CMSS1: variants seen among roughly 807,000 people sequenced by gnomAD.
The protein encoded by CMSS1 is cms1 ribosomal small subunit homolog, also known as protein CMSS1.
In CMSS1, 33 loss-of-function variants were observed where a neutral mutation model predicts 43.5. The observed-to-expected ratio is 0.76, with a 90% CI of 0.57 to 1.01. The LOEUF is 1.01. CMSS1 is among the 50% of genes least tolerant of loss of function. The probability of loss-of-function intolerance (pLI) is 0.00; values close to 1 mark genes in which losing one functional copy is unlikely to be tolerated. For synonymous variants in CMSS1, 115 were observed against 117.2 expected, an observed-to-expected ratio of 0.98 and a Z score of 0.12; for missense variants, 313 against 326.4, an observed-to-expected ratio of 0.96 and a Z score of 0.32.
At chr3:99,991,958 G>A (rs1299518917) in intron 1 of CMSS1, among the ~76,000 whole-genome samples, 1 of 147,100 alleles carries the variant, frequency 6.8e-6, no homozygotes, top group Non-Finnish European at 1.5e-5. Flanking sequence ...GTGTATATAT[G>A]TGTGTATATA....
At chr3:99,952,970 T>C (rs989379862) in intron 1 of CMSS1, among the ~76,000 whole-genome samples, 1 of 152,164 alleles carries the variant, frequency 6.6e-6, no homozygotes, top group Non-Finnish European at 1.5e-5. Flanking sequence ...TCTCATTGAT[T>C]TGGTTTTTGT....
At chr3:100,118,903 A>C (rs1337475767) in intron 1 of CMSS1, among the ~76,000 whole-genome samples, 2 of 152,232 alleles carry the variant, frequency 1.3e-5, no homozygotes, top group Non-Finnish European at 2.9e-5. Flanking sequence ...CCACCCACTG[A>C]CAGGTGACCA....
At chr3:99,907,340 C>T (rs929271773) in intron 1 of CMSS1, among the ~76,000 whole-genome samples, 4 of 152,060 alleles carry the variant, frequency 2.6e-5, no homozygotes, top group South Asian at 4.2e-4. Flanking sequence ...CTCCACCTCC[C>T]GGGTTCATGC....
chr3:100,143,434 CT>C lies in CMSS1; in HGVS notation c.65-3534del, dbSNP rs2066820541. ...TACATGCTGTTTATCAATTTCAATT[CT>C]TTTTAAATTTGTTAATGTTTTATGG... is the stretch of plus-strand genomic sequence containing the variant. On this transcript the variant is annotated intron_variant, in intron 1 of 9. Transcript: ENST00000421999. Among the ~76,000 whole-genome samples, 4 of 152,060 alleles carry C rather than the reference CT, an allele frequency of 2.6e-5. No homozygotes were observed. The South Asian group carries it at 8.3e-4, about 32-fold the overall frequency.
rs118001102 is a variant in CMSS1 at position 100,097,246 on chromosome 3, A to G, written c.65-49727A>G. On this transcript the variant is annotated intron_variant, in intron 1 of 9. Transcript: ENST00000421999. ...CAGTTTCATCCCCAAACCACCAACC[A>G]TCCCATCCGTGGAAAAATTGTCTTC... 5.1e-4 allele frequency among the ~76,000 whole-genome samples: 78 copies of G among 152,318 alleles called. 2 individuals are homozygous for G. In the East Asian group the frequency reaches 0.015, roughly 29 times the overall value.
intron 1 of CMSS1, chr3:99,930,688 A>C: frequency 6.8e-7 from 1 of 1,469,742 alleles, no homozygotes; most frequent in Non-Finnish European, 9.4e-7. Flanking sequence ...ACAGATATCT[A>C]TTTCTGTGGC....
In CMSS1 at chr3:99,836,075, A is replaced by C. The variant is rs193065283; in HGVS notation, c.64+18032A>C. Among the ~76,000 whole-genome samples the C allele has an allele frequency of 2.6e-3, 394 of 152,292 alleles. 1 individual carries two copies. The highest frequency in any genetic ancestry group is 4.0e-3 in the Non-Finnish European group (273 of 68,032). ...AGGTTTGGACTTTGGGCACTAAGCA[A>C]TTTTAAGTGCTGTTTTCTGGGAGGC... On this transcript the variant is annotated intron_variant, in intron 1 of 9. Transcript: ENST00000421999.
intron 1 of CMSS1, among the ~76,000 whole-genome samples, chr3:100,021,934 T>G (rs2064825779): frequency 1.6e-5 from 2 of 124,062 alleles, no homozygotes; most frequent in South Asian, 6.2e-4. Flanking sequence ...TGTGTGTGTG[T>G]GTGTGTGTGT....
chr3:100,109,219 T>TA (rs944577227), intron 1 of CMSS1, among the ~76,000 whole-genome samples: 7 of 151,610 alleles, frequency 4.6e-5, no homozygotes, highest in East Asian at 1.9e-4. Flanking sequence ...TTTAATATCC[T>TA]AAAAAAAAAT....
intron 1 of CMSS1, among the ~76,000 whole-genome samples, chr3:99,931,467 T>G (rs1707480430): frequency 1.3e-5 from 2 of 152,234 alleles, no homozygotes; most frequent in African/African-American, 4.8e-5. Context: ...TTTAAAATTG[T>G]TGGGAGCTTT....
intron 1 of CMSS1, among the ~76,000 whole-genome samples, chr3:99,999,485 TTA>T (rs1164413938): frequency 6.6e-6 from 1 of 152,288 alleles, no homozygotes; most frequent in East Asian, 1.9e-4. Context: ...TCGACAGACT[TTA>T]TTTAGAGTTG....
intron 1 of CMSS1, among the ~76,000 whole-genome samples, chr3:99,975,794 A>G (rs562173568): frequency 3.9e-5 from 6 of 152,360 alleles, no homozygotes; most frequent in South Asian, 2.1e-4. Flanking sequence ...AAAGTCGTGT[A>G]TATGTTGAGT....
intron 1 of CMSS1, among the ~76,000 whole-genome samples, chr3:100,048,172 C>T (rs1300599299): frequency 6.6e-6 from 1 of 152,244 alleles, no homozygotes; most frequent in African/African-American, 2.4e-5. Flanking sequence ...CCAAGCTCTG[C>T]TGAACAGCCC....
chr3:100,150,960 A>G (rs1025083320), intron 2 of CMSS1, among the ~76,000 whole-genome samples: 5 of 152,166 alleles, frequency 3.3e-5, no homozygotes, highest in Admixed American at 6.5e-5. Flanking sequence ...CTCAGAGACC[A>G]CAGTGGACTT....
intron 1 of CMSS1, among the ~76,000 whole-genome samples, chr3:99,953,634 T>C (rs1708241105): frequency 6.6e-6 from 1 of 152,230 alleles, no homozygotes; most frequent in Admixed American, 6.5e-5. Flanking sequence ...GGGCTGTTCC[T>C]ATTGTCTTGC....
chr3:99,976,356 G>T (rs368905064), intron 1 of CMSS1, among the ~76,000 whole-genome samples: 6 of 152,144 alleles, frequency 3.9e-5, no homozygotes, highest in African/African-American at 1.4e-4. Flanking sequence ...ATTGGATAGG[G>T]ATGTCTATTT....
intron 1 of CMSS1, among the ~76,000 whole-genome samples, chr3:100,019,756 T>A (rs1355774908): frequency 6.6e-6 from 1 of 152,228 alleles, no homozygotes; most frequent in East Asian, 1.9e-4. Flanking sequence ...AGAACTATCA[T>A]CTTTCAAACT....
chr3:99,830,619 A>G (rs1389420010), intron 1 of CMSS1: 4 of 456,490 alleles, frequency 8.8e-6, no homozygotes, highest in Middle Eastern at 3.3e-4. Context: ...GAATTAAACA[A>G]GAGAACAAAA....
At chr3:99,907,822 A>G (rs1010327281) in intron 1 of CMSS1, among the ~76,000 whole-genome samples, 1 of 152,174 alleles carries the variant, frequency 6.6e-6, no homozygotes, top group African/African-American at 2.4e-5. Context: ...AGATCAAGCC[A>G]TTCCTGATCC....
Sources: gnomAD v4.1 joint callset for allele counts (sites outside exome capture counted in the v4.1 genomes callset) on GRCh38, gnomAD v4.1.1 for gene constraint, MANE v1.5 for transcripts, NCBI Gene and HGNC (gene_info 2026-07-23, HGNC 2026-07-21) for gene names.